Variants in TNIP3 observed in about 807,000 individuals in gnomAD.
The protein encoded by TNIP3 is TNFAIP3 interacting protein 3, also known as TNFAIP3-interacting protein 3.
In TNIP3, 34 loss-of-function variants were observed where a neutral mutation model predicts 54.1. The ratio of observed to expected loss-of-function variants is 0.63; its 90% CI spans 0.48 to 0.84. The LOEUF (loss-of-function observed/expected upper bound fraction) is 0.84. Ranked by LOEUF, TNIP3 falls within the 40% of genes least tolerant of loss-of-function variation. TNIP3 has a pLI of 0.00. For missense variants in TNIP3, 366 were observed against 387.6 expected (o/e 0.94, Z 0.47); for synonymous variants, 134 against 136.8 (o/e 0.98, Z 0.14).
intron 1 of TNIP3, among the ~76,000 whole-genome samples, chr4:121,225,314 C>G (rs1184438130): frequency 6.6e-6 from 1 of 152,194 alleles, no homozygotes; most frequent in Non-Finnish European, 1.5e-5. Context: ...ATTTTCCCCC[C>G]ATATGATGTC....
At chr4:121,163,966 C>T in intron 1 of TNIP3, 94 bp downstream of exon 1, 1 of 1,405,786 alleles carries the variant, frequency 7.1e-7, no homozygotes, top group Non-Finnish European at 9.6e-7. Flanking sequence ...GCAAACTAGC[C>T]ATTTCTGTTC....
intron 2 of TNIP3, among the ~76,000 whole-genome samples, chr4:121,201,171 A>G (rs955549975): frequency 2.0e-5 from 3 of 152,118 alleles, no homozygotes; most frequent in Non-Finnish European, 2.9e-5. Context: ...AGGTATGAGG[A>G]AAGTCCAGAA....
At chr4:121,148,076 A>G (rs1729535936) in intron 6 of TNIP3, among the ~76,000 whole-genome samples, 4 of 152,192 alleles carry the variant, frequency 2.6e-5, no homozygotes, top group Admixed American at 2.6e-4. Context: ...ATTCATTTCC[A>G]GAGACAGTTA....
chr4:121,211,913 A>G (rs1024843523), intron 2 of TNIP3, among the ~76,000 whole-genome samples: 17 of 152,190 alleles, frequency 1.1e-4, no homozygotes, highest in African/African-American at 4.1e-4. Context: ...CTGTGCCACC[A>G]CAGCTTTTAT....
chr4:121,223,968 A>G (rs1437905653), intron 1 of TNIP3, among the ~76,000 whole-genome samples: 1 of 152,262 alleles, frequency 6.6e-6, no homozygotes, highest in African/African-American at 2.4e-5. Flanking sequence ...ATTAACAAAC[A>G]TCAATACAAA....
intron 2 of TNIP3, among the ~76,000 whole-genome samples, chr4:121,189,243 G>T (rs1725177597): frequency 6.6e-6 from 1 of 152,054 alleles, no homozygotes; most frequent in South Asian, 2.1e-4. Flanking sequence ...TTTCTTCCCA[G>T]TCCATTGCCA....
chr4:121,179,513 G>A (rs536686125), intron 3 of TNIP3, among the ~76,000 whole-genome samples: 1 of 152,166 alleles, frequency 6.6e-6, no homozygotes, highest in South Asian at 2.1e-4. Flanking sequence ...AAGGCATTTG[G>A]TTTCAATGAT....
rs1292763480 is a variant in TNIP3, at chr4:121,150,150, A to G, written c.562T>C (p.Phe188Leu). 3.1e-6 allele frequency: 5 copies of G among 1,613,824 alleles called. No homozygotes were observed. The highest frequency in any genetic ancestry group is 1.1e-5 in the South Asian group (1 of 91,048). ...EDCLRKSRVE[F>L]CHEEMRTEME... The stretch of plus-strand genomic sequence containing the variant: ...TCTGTTCTCATCTCCTCATGGCAGA[A>G]TTCCACTCGAGACTTCCTCAAACAG... Residue 188 changes from phenylalanine (F) to leucine (L), a missense_variant, in exon 6 of 11, where the codon TTC (phenylalanine) becomes CTC (leucine). Phe to Leu is a conservative substitution (Grantham distance 22, BLOSUM62 0). Transcript: ENST00000057513.
chr4:121,171,281 A>C (rs1271065878), intron 3 of TNIP3, among the ~76,000 whole-genome samples: 1 of 152,202 alleles, frequency 6.6e-6, no homozygotes, highest in Non-Finnish European at 1.5e-5. Context: ...CAATTTTTAA[A>C]GATTTTAGGC....
At chr4:121,142,373 C>T (rs991640494) in intron 8 of TNIP3, among the ~76,000 whole-genome samples, 3 of 152,132 alleles carry the variant, frequency 2.0e-5, no homozygotes, top group Non-Finnish European at 4.4e-5. Context: ...CTCAAGAAGG[C>T]ATGTTATTTT....
At chr4:121,192,069 A>G (rs2148833325) in intron 2 of TNIP3, among the ~76,000 whole-genome samples, 1 of 152,352 alleles carries the variant, frequency 6.6e-6, no homozygotes, top group East Asian at 1.9e-4. Context: ...ACAACAGTTT[A>G]AATGTGAATT....
chr4:121,196,995 A>C (rs115858093), intron 2 of TNIP3, among the ~76,000 whole-genome samples: 3,457 of 152,262 alleles, frequency 0.023, 78 homozygotes, highest in South Asian at 0.16. Flanking sequence ...AGTTTAAAGC[A>C]TTCAAGAACA....
intron 2 of TNIP3, among the ~76,000 whole-genome samples, chr4:121,183,351 T>C (rs1398631272): frequency 1.3e-5 from 2 of 152,224 alleles, no homozygotes; most frequent in Non-Finnish European, 2.9e-5. Flanking sequence ...AAATAATATA[T>C]TACAGCTGAA....
rs1729145615 is a variant in TNIP3, at chr4:121,141,934, G to A, written c.787-20C>T. On this transcript the variant is annotated intron_variant, in intron 8 of 10. Transcript: ENST00000057513. The stretch of plus-strand genomic sequence containing the variant: ...ATACATCTGAGGAGAACAAAACTGT[G>A]GGGTCACTACCAGTGGGAGAGACTG... The A allele has an allele frequency of 6.4e-7, 1 of 1,552,740 alleles. No individual in the cohort carries two copies. Among genetic ancestry groups the A allele is most frequent in the South Asian group, 1.2e-5 (1 of 83,210 alleles).
chr4:121,220,325 T>C (rs1400075748), upstream of TNIP3, among the ~76,000 whole-genome samples: 1 of 152,194 alleles, frequency 6.6e-6, no homozygotes, highest in Non-Finnish European at 1.5e-5. Flanking sequence ...CTAGGCTCTG[T>C]TTTCTAAGGA....
At chr4:121,154,517 C>A in intron 5 of TNIP3, 34 bp downstream of exon 5, 1 of 1,611,004 alleles carries the variant, frequency 6.2e-7, no homozygotes, top group Non-Finnish European at 8.5e-7. Flanking sequence ...AGGGACTTCT[C>A]ATTTTAATCT....
chr4:121,198,456 T>C (rs1220997381), intron 2 of TNIP3, among the ~76,000 whole-genome samples: 2 of 152,216 alleles, frequency 1.3e-5, no homozygotes, highest in African/African-American at 2.4e-5. Flanking sequence ...TCTCAATGAC[T>C]AGATTTTATC....
chr4:121,134,912 G>A (rs1728688912), intron 10 of TNIP3, among the ~76,000 whole-genome samples: 1 of 152,170 alleles, frequency 6.6e-6, no homozygotes, highest in Non-Finnish European at 1.5e-5. Flanking sequence ...GGTGATTCTG[G>A]GCCTGCTTCC....
chr4:121,168,489 A>G (rs1363958904), upstream of TNIP3, among the ~76,000 whole-genome samples: 5 of 148,310 alleles, frequency 3.4e-5, no homozygotes, highest in Non-Finnish European at 7.4e-5. Context: ...ATAAGCCAAC[A>G]TGCCCAGCCT....
Sources: allele counts gnomAD v4.1 joint callset (sites outside exome capture counted in the v4.1 genomes callset), GRCh38; gene constraint gnomAD v4.1.1; transcripts MANE v1.5; gene names NCBI Gene and HGNC (gene_info 2026-07-23, HGNC 2026-07-21).